SCAPER: variants seen among roughly 807,000 people sequenced by gnomAD.
The protein encoded by SCAPER is S phase cyclin A-associated protein in the endoplasmic reticulum.
In SCAPER, 98 loss-of-function variants were observed where a neutral mutation model predicts 182.2. That is an observed-to-expected ratio of 0.54 (90% CI 0.46 to 0.64). The LOEUF (loss-of-function observed/expected upper bound fraction) is 0.64, where lower values mean the gene tolerates loss of function less well. Among genes scored for constraint, SCAPER ranks in the 30% least tolerant of loss-of-function variants. The pLI is 0.00. For synonymous variants in SCAPER, 605 were observed against 564.6 expected (o/e 1.07, Z -1.01); for missense variants, 1,432 against 1,690.0 (o/e 0.85, Z 2.68).
chr15:76,897,376 C>A (rs897491476), intron 1 of SCAPER, among the ~76,000 whole-genome samples: 2 of 151,988 alleles, frequency 1.3e-5, no homozygotes, highest in African/African-American at 4.8e-5. Flanking sequence ...TAATTACAGG[C>A]CTTTTCCTCC....
chr15:76,588,473 G>A (rs577052319), intron 22 of SCAPER, among the ~76,000 whole-genome samples: 1 of 152,184 alleles, frequency 6.6e-6, no homozygotes, highest in East Asian at 1.9e-4. Context: ...TTTACCTTAA[G>A]TTTATGTGAG....
At chr15:76,754,649 T>A (rs956129937) in intron 14 of SCAPER, among the ~76,000 whole-genome samples, 6 of 151,976 alleles carry the variant, frequency 3.9e-5, no homozygotes, top group African/African-American at 9.7e-5. Context: ...GAAAATAAAT[T>A]ATAGAAAATC....
intron 5 of SCAPER, among the ~76,000 whole-genome samples, chr15:76,806,889 T>C (rs1334999440): frequency 6.6e-6 from 1 of 152,344 alleles, no homozygotes; most frequent in East Asian, 1.9e-4. Flanking sequence ...AAAATACAAC[T>C]GATTTTTGAG....
chr15:76,407,411 C>T (rs1405315841), intron 26 of SCAPER, among the ~76,000 whole-genome samples: 1 of 152,196 alleles, frequency 6.6e-6, no homozygotes, highest in Non-Finnish European at 1.5e-5. Flanking sequence ...TTATGCAGTG[C>T]ATTACTATAC....
chr15:76,403,603 T>TG (rs1422566541), intron 27 of SCAPER, among the ~76,000 whole-genome samples: 1 of 152,190 alleles, frequency 6.6e-6, no homozygotes, highest in Non-Finnish European at 1.5e-5. Flanking sequence ...TGAATATAGA[T>TG]GGATAATATT....
intron 23 of SCAPER, among the ~76,000 whole-genome samples, chr15:76,552,888 C>T (rs1414093217): frequency 1.3e-5 from 2 of 152,174 alleles, no homozygotes; most frequent in Non-Finnish European, 2.9e-5. Flanking sequence ...CCAGGGACCC[C>T]AGTCTGGCCA....
chr15:76,793,282 A>G (rs1243727991), intron 8 of SCAPER: 4 of 847,870 alleles, frequency 4.7e-6, no homozygotes, highest in Non-Finnish European at 7.9e-6. Flanking sequence ...GTCTCCTGGC[A>G]TGCAACTCCT....
At chr15:76,392,746 C>T (rs917330295) in intron 27 of SCAPER, among the ~76,000 whole-genome samples, 1 of 152,180 alleles carries the variant, frequency 6.6e-6, no homozygotes, top group Admixed American at 6.5e-5. Context: ...ACTGAGAAAG[C>T]TGAAACTGAG....
In SCAPER at chr15:76,613,546, T is replaced by C. The variant is rs113928041; in HGVS notation, c.2711+8218A>G. Among the ~76,000 whole-genome samples, 1,212 of 151,568 alleles carry C rather than the reference T, an allele frequency of 8.0e-3. 11 individuals carry two copies. Among genetic ancestry groups the C allele is most frequent in the African/African-American group, 0.028 (1,146 of 41,440 alleles). On this transcript the variant is annotated intron_variant, in intron 22 of 31. Coordinates refer to ENST00000563290, the MANE Select transcript of SCAPER (RefSeq NM_020843.4). ...CATCTAACAAAATACCTGGCATCTATAGGGAACTTAAATTTACAAGAAAAA... is the reference window on the plus strand; with the variant it reads ...CATCTAACAAAATACCTGGCATCTACAGGGAACTTAAATTTACAAGAAAAA...
At chr15:76,689,474 T>C (rs1023737060) in intron 20 of SCAPER, among the ~76,000 whole-genome samples, 3 of 151,982 alleles carry the variant, frequency 2.0e-5, no homozygotes, top group Admixed American at 1.3e-4. Flanking sequence ...GAAAATCTAA[T>C]CTAAGACAGT....
intron 23 of SCAPER, among the ~76,000 whole-genome samples, chr15:76,535,122 T>C (rs1190869863): frequency 6.6e-6 from 1 of 152,072 alleles, no homozygotes; most frequent in East Asian, 1.9e-4. Context: ...ACTCAGTGGG[T>C]CTATAGAAAT....
intron 22 of SCAPER, among the ~76,000 whole-genome samples, chr15:76,587,635 G>T (rs1372420163): frequency 6.6e-6 from 1 of 152,040 alleles, no homozygotes; most frequent in African/African-American, 2.4e-5. Context: ...TTCCACTGTG[G>T]TCTGACAGAG....
intron 30 of SCAPER, among the ~76,000 whole-genome samples, chr15:76,352,262 A>G (rs971344709): frequency 2.0e-5 from 3 of 148,460 alleles, no homozygotes; most frequent in African/African-American, 7.4e-5. Flanking sequence ...AGTATCTGAC[A>G]TACTATTTGT....
intron 29 of SCAPER, 42 bp downstream of exon 29, chr15:76,376,120 G>A: frequency 6.2e-7 from 1 of 1,608,150 alleles, no homozygotes; most frequent in South Asian, 1.1e-5. Flanking sequence ...CACACTCTCA[G>A]CACTGGGGGA....
chr15:76,407,663 G>A (rs1340150893), intron 26 of SCAPER, among the ~76,000 whole-genome samples: 7 of 152,110 alleles, frequency 4.6e-5, no homozygotes, highest in Non-Finnish European at 1.0e-4. Flanking sequence ...GACAATCACA[G>A]TTTGATAATT....
intron 15 of SCAPER, among the ~76,000 whole-genome samples, chr15:76,747,237 C>G (rs774669430): frequency 6.6e-5 from 10 of 152,196 alleles, no homozygotes; most frequent in East Asian, 1.9e-4. Flanking sequence ...GGCATGGTGG[C>G]TCACACCTGT....
At chr15:76,867,403 C>T (rs1193739760) in intron 2 of SCAPER, among the ~76,000 whole-genome samples, 2 of 152,268 alleles carry the variant, frequency 1.3e-5, no homozygotes, top group Non-Finnish European at 2.9e-5. Context: ...ATGCAGCTTA[C>T]CTGAGAAACC....
chr15:76,887,104 A>G (rs969327694), intron 1 of SCAPER, among the ~76,000 whole-genome samples: 2 of 152,204 alleles, frequency 1.3e-5, no homozygotes, highest in African/African-American at 4.8e-5. Context: ...GTCCCATGAC[A>G]CAAGTTTACC....
At chr15:76,355,434 T>C (rs990546744) in intron 29 of SCAPER, among the ~76,000 whole-genome samples, 5 of 152,374 alleles carry the variant, frequency 3.3e-5, no homozygotes, top group Admixed American at 1.3e-4. Context: ...ATTTACTTTA[T>C]TGATAAAGGC....
Sources: gnomAD v4.1 joint callset for allele counts (sites outside exome capture counted in the v4.1 genomes callset) on GRCh38, gnomAD v4.1.1 for gene constraint, MANE v1.5 for transcripts, NCBI Gene and HGNC (gene_info 2026-07-23, HGNC 2026-07-21) for gene names.